The following NKAIN2 variants were observed in gnomAD, a reference collection of about 807,000 sequenced individuals.
NKAIN2 encodes sodium/potassium transporting ATPase interacting 2.
A neutral mutation model predicts 32.6 loss-of-function variants in NKAIN2; 14 were observed. The observed-to-expected ratio is 0.43, with a 90% confidence interval of 0.28 to 0.67. The LOEUF (loss-of-function observed/expected upper bound fraction) is 0.67. Ranked by LOEUF, NKAIN2 falls within the 30% of genes least tolerant of loss-of-function variation. The pLI, the probability that NKAIN2 is intolerant of heterozygous loss-of-function variation, is 0.17. For missense variants in NKAIN2, 198 were observed against 258.3 expected (o/e 0.77, Z 1.60); for synonymous variants, 80 against 87.2 (o/e 0.92, Z 0.46).
chr6:124,743,198 C>T (rs934581327), intron 4 of NKAIN2, among the ~76,000 whole-genome samples: 71 of 151,816 alleles, frequency 4.7e-4, no homozygotes, highest in African/African-American at 1.6e-3. Context: ...CCTAACCACT[C>T]TATAAACCAG....
At chr6:124,763,265 T>C (rs1253768287) in intron 4 of NKAIN2, among the ~76,000 whole-genome samples, 1 of 152,206 alleles carries the variant, frequency 6.6e-6, no homozygotes, top group Admixed American at 6.5e-5. Flanking sequence ...TGCACTGCTA[T>C]AAAGAAATAT....
In NKAIN2 at chr6:124,393,291, G is replaced by A. The variant is rs527625667; in HGVS notation, c.273+37944G>A. Among the ~76,000 whole-genome samples the A allele has an allele frequency of 5.3e-5, 8 of 151,774 alleles. No individual in the cohort carries two copies. The South Asian group carries it at 1.2e-3, about 24-fold the overall frequency. On this transcript the variant is annotated intron_variant, in intron 3 of 6. Transcript: ENST00000368417. ...TCATCGTTACACAATGGCCCAATAC[G>A]TAAGATGCAACTATAAACTGATGAG...
At chr6:124,790,336 G>A (rs575500337) in intron 4 of NKAIN2, among the ~76,000 whole-genome samples, 1 of 151,962 alleles carries the variant, frequency 6.6e-6, no homozygotes, top group Admixed American at 6.6e-5. Context: ...TTGTCGTGGC[G>A]GTTCCTTTTT....
At chr6:124,111,281 T>C (rs1785373779) in intron 1 of NKAIN2, among the ~76,000 whole-genome samples, 1 of 152,058 alleles carries the variant, frequency 6.6e-6, no homozygotes, top group Admixed American at 6.6e-5. Flanking sequence ...GGATGTTGTG[T>C]CCATTATTGA....
At chr6:124,072,676 C>T (rs1783517344) in intron 1 of NKAIN2, among the ~76,000 whole-genome samples, 2 of 152,144 alleles carry the variant, frequency 1.3e-5, no homozygotes, top group Admixed American at 6.6e-5. Context: ...GCCTGAATGG[C>T]AGACTCACTC....
chr6:124,476,094 G>GTGTGTGTGTGTGTGTGTGTT (rs1777198266), intron 3 of NKAIN2, among the ~76,000 whole-genome samples: 1 of 149,722 alleles, frequency 6.7e-6, no homozygotes, highest in African/African-American at 2.5e-5. Flanking sequence ...GTGTGTGTGT[G>GTGTGTGTGTGTGTGTGTGTT]TGTGCGTGCG....
chr6:124,612,840 G>T (rs960305699), intron 3 of NKAIN2, among the ~76,000 whole-genome samples: 2 of 152,114 alleles, frequency 1.3e-5, no homozygotes, highest in Non-Finnish European at 2.9e-5. Flanking sequence ...GATATATGAT[G>T]ATTACTGATG....
At chr6:124,364,225 G>A (rs1050275647) in intron 3 of NKAIN2, among the ~76,000 whole-genome samples, 3 of 106,220 alleles carry the variant, frequency 2.8e-5, no homozygotes, top group Admixed American at 2.0e-4. Flanking sequence ...CACAGGAAAG[G>A]GTTAAAAATA....
intron 2 of NKAIN2, among the ~76,000 whole-genome samples, chr6:124,343,316 C>A (rs1232338355): frequency 6.6e-6 from 1 of 151,622 alleles, no homozygotes; most frequent in East Asian, 2.0e-4. Flanking sequence ...TTTATAGCAG[C>A]ATGATTTATA....
intron 3 of NKAIN2, among the ~76,000 whole-genome samples, chr6:124,450,178 C>T (rs1452438704): frequency 6.6e-6 from 1 of 152,062 alleles, no homozygotes; most frequent in East Asian, 1.9e-4. Flanking sequence ...TCCCCATTAT[C>T]ACATTTCTCA....
intron 4 of NKAIN2, among the ~76,000 whole-genome samples, chr6:124,695,900 T>A (rs931999057): frequency 9.2e-5 from 14 of 152,176 alleles, no homozygotes; most frequent in African/African-American, 2.9e-4. Context: ...TTAAGCAAAA[T>A]TTTATGTAGC....
At chr6:124,726,417 C>G (rs970139564) in intron 4 of NKAIN2, among the ~76,000 whole-genome samples, 18 of 152,306 alleles carry the variant, frequency 1.2e-4, no homozygotes, top group East Asian at 7.8e-4. Flanking sequence ...CCTGAGCAGC[C>G]TAACTGGGAG....
At chr6:124,043,350 A>G (rs991307657) in intron 1 of NKAIN2, among the ~76,000 whole-genome samples, 5 of 152,084 alleles carry the variant, frequency 3.3e-5, no homozygotes, top group Non-Finnish European at 7.4e-5. Context: ...ACATAATAAT[A>G]AAAATAAATA....
intron 1 of NKAIN2, among the ~76,000 whole-genome samples, chr6:124,189,003 G>A (rs1789884156): frequency 1.3e-5 from 2 of 152,110 alleles, no homozygotes; most frequent in African/African-American, 4.8e-5. Context: ...ATAATTTGGA[G>A]AAACATTTTA....
At chr6:123,910,932 A>C (rs1269089437) in intron 1 of NKAIN2, among the ~76,000 whole-genome samples, 1 of 152,126 alleles carries the variant, frequency 6.6e-6, no homozygotes, top group Non-Finnish European at 1.5e-5. Context: ...CCGTAACTAT[A>C]CTTTTTAGCT....
At chr6:124,261,602 C>T (rs563415718) in intron 1 of NKAIN2, among the ~76,000 whole-genome samples, 6 of 152,152 alleles carry the variant, frequency 3.9e-5, no homozygotes, top group African/African-American at 7.2e-5. Flanking sequence ...ACATGACGCC[C>T]GTAATCCTAG....
At chr6:124,010,448 G>A (rs1780272864) in intron 1 of NKAIN2, among the ~76,000 whole-genome samples, 1 of 150,950 alleles carries the variant, frequency 6.6e-6, no homozygotes. Flanking sequence ...TAATAATTTT[G>A]TATGCTTTCA....
chr6:124,413,572 C>G (rs944396141), intron 3 of NKAIN2, among the ~76,000 whole-genome samples: 16 of 152,096 alleles, frequency 1.1e-4, no homozygotes, highest in African/African-American at 3.6e-4. Flanking sequence ...ATAAAATAGT[C>G]AGTGTCTCAA....
chr6:124,043,033 A>T (rs1267835248), intron 1 of NKAIN2, among the ~76,000 whole-genome samples: 1 of 152,066 alleles, frequency 6.6e-6, no homozygotes, highest in Non-Finnish European at 1.5e-5. Context: ...AATAGAAAAT[A>T]TCTGTTTTTC....
Sources: gnomAD v4.1 joint callset for allele counts (sites outside exome capture counted in the v4.1 genomes callset) on GRCh38, gnomAD v4.1.1 for gene constraint, MANE v1.5 for transcripts, NCBI Gene and HGNC (gene_info 2026-07-23, HGNC 2026-07-21) for gene names.